The following RACGAP1 variants were observed in gnomAD, a reference collection of about 807,000 sequenced individuals.
RACGAP1 encodes Rac GTPase activating protein 1.
RACGAP1 carries 30 observed loss-of-function variants against 78.1 expected under a neutral mutation model. The ratio of observed to expected loss-of-function variants is 0.38; its 90% CI spans 0.29 to 0.52. The LOEUF (loss-of-function observed/expected upper bound fraction) is 0.52, where lower values mean the gene tolerates loss of function less well. Among genes scored for constraint, RACGAP1 ranks in the 20% least tolerant of loss-of-function variants. The pLI is 0.82. For synonymous variants in RACGAP1, 231 were observed against 264.8 expected, an observed-to-expected ratio of 0.87 and a Z score of 1.24; for missense variants, 587 against 777.1, an observed-to-expected ratio of 0.76 and a Z score of 2.91.
Position 49,992,053 on chromosome 12 carries a change from T to C in RACGAP1, c.1659A>G (p.Leu553=), listed in dbSNP as rs748576783. ...AGGCATTTGAGTTTTCAATGACATG[T>C]AGGGGGTCAATGTTCTCTTGCTCCA... ...MMVEQENIDP[L]HVIENSNAFS... The change falls in exon 15 of 17, where the codon CTA becomes CTG. Residue 553 remains leucine (L), a synonymous_variant. Coordinates refer to ENST00000312377, the MANE Select transcript of RACGAP1 (RefSeq NM_001319999.2). 1.2e-6 allele frequency: 2 copies of C among 1,613,968 alleles called. No individual in the cohort carries two copies. The highest frequency in any genetic ancestry group is 1.7e-6 in the Non-Finnish European group (2 of 1,180,012).
intron 15 of RACGAP1, among the ~76,000 whole-genome samples, chr12:49,991,479 ATTT>A (rs1197357619): frequency 0.011 from 257 of 23,950 alleles, 5 homozygotes; most frequent in African/African-American, 0.023. Flanking sequence ...ATATATATAT[ATTT>A]TTTTTTTTTT....
At chr12:50,000,643 A>G (rs1456864362) in intron 7 of RACGAP1, among the ~76,000 whole-genome samples, 1 of 152,190 alleles carries the variant, frequency 6.6e-6, no homozygotes, top group Non-Finnish European at 1.5e-5. Context: ...ACCTAAGAAG[A>G]TAAACATAGG....
chr12:50,026,212 T>C (rs1333348680), upstream of RACGAP1, among the ~76,000 whole-genome samples: 1 of 152,202 alleles, frequency 6.6e-6, no homozygotes, highest in Non-Finnish European at 1.5e-5. Context: ...TGCTCATCCT[T>C]ACTACATGCA....
intron 1 of RACGAP1, among the ~76,000 whole-genome samples, chr12:50,019,194 C>G (rs1480038579): frequency 6.6e-6 from 1 of 152,154 alleles, no homozygotes; most frequent in Non-Finnish European, 1.5e-5. Flanking sequence ...CCCCTTATCA[C>G]TTGCAGGTTG....
intron 4 of RACGAP1, 109 bp downstream of exon 4, chr12:50,005,146 CT>C: frequency 6.6e-7 from 1 of 1,510,024 alleles, no homozygotes. Context: ...TCTTTTTCTG[CT>C]TTTTTCAGCA....
chr12:49,992,647 C>T lies in RACGAP1; in HGVS notation c.1348G>A (p.Asp450Asn), dbSNP rs1947974480. ...RAFMEAAEITDEDNSIAAMYQ... is the reference protein window; with the variant it reads ...RAFMEAAEITNEDNSIAAMYQ... ...ATGGCAGCTATGCTGTTGTCTTCAT[C>T]TGTGATTTCTGTAATTGAAAAGAAA... Residue 450 changes from aspartate to asparagine, a missense_variant, in exon 13 of 17, where the codon GAT (aspartate) becomes AAT (asparagine). Transcript: ENST00000312377. 1 of 1,609,228 alleles carries T rather than the reference C, an allele frequency of 6.2e-7. No individual in the cohort carries two copies. The highest frequency in any genetic ancestry group is 1.7e-5 in the Admixed American group (1 of 58,486).
At chr12:50,030,200 C>T (rs1179410847), upstream of RACGAP1, among the ~76,000 whole-genome samples, 1 of 152,030 alleles carries the variant, frequency 6.6e-6, no homozygotes, top group Admixed American at 6.6e-5. Context: ...TTAAAACAAA[C>T]AAACTAGCTG....
chr12:50,015,909 AAAG>A (rs1201647562), intron 2 of RACGAP1, among the ~76,000 whole-genome samples: 2 of 151,926 alleles, frequency 1.3e-5, no homozygotes, highest in East Asian at 1.9e-4. Context: ...AAAAAAGAAA[AAAG>A]AAGAAATTAT....
chr12:50,010,930 T>C (rs1172384547), intron 2 of RACGAP1, among the ~76,000 whole-genome samples: 1 of 17,820 alleles, frequency 5.6e-5, no homozygotes, highest in Non-Finnish European at 1.3e-4. Flanking sequence ...CGAAAAATTC[T>C]GTCTCAAAAA....
intron 9 of RACGAP1, among the ~76,000 whole-genome samples, chr12:49,998,669 C>G (rs1236999600): frequency 6.6e-6 from 1 of 152,070 alleles, no homozygotes; most frequent in Non-Finnish European, 1.5e-5. Flanking sequence ...GGAGCTGAGG[C>G]AGGGGGAGCA....
exon 2 of RACGAP1, chr12:50,031,726 T>C: frequency 2.0e-6 from 2 of 985,452 alleles, no homozygotes; most frequent in Non-Finnish European, 2.4e-6. Context: ...TAAACGCTGA[T>C]GCCTGGGTCC....
chr12:50,022,487 CA>C (rs1278963963), intron 1 of RACGAP1, among the ~76,000 whole-genome samples: 2 of 152,140 alleles, frequency 1.3e-5, no homozygotes, highest in African/African-American at 4.8e-5. Context: ...GAGGCTGAGG[CA>C]GGAGAATCGC....
At chr12:50,008,513 G>C (rs1231923472) in intron 2 of RACGAP1, among the ~76,000 whole-genome samples, 1 of 149,008 alleles carries the variant, frequency 6.7e-6, no homozygotes, top group Admixed American at 6.8e-5. Context: ...TTTCACTTTT[G>C]AGACAGTCTT....
intron 2 of RACGAP1, among the ~76,000 whole-genome samples, chr12:50,006,906 C>G (rs1949010036): frequency 6.6e-6 from 1 of 152,168 alleles, no homozygotes; most frequent in Admixed American, 6.5e-5. Flanking sequence ...TCATTAGTCA[C>G]CTGGCTCCAG....
rs1471719859 is a variant in RACGAP1 at position 49,999,665 on chromosome 12, C to T, written c.699G>A (p.Val233=). Residue 233 remains valine, a synonymous_variant, in exon 8 of 17, where the codon GTG becomes GTA. Transcript: ENST00000312377. ...AATATGGCACAGTCTCAATAGTGGA[C>T]ACAGCTTCGATGGGCCCGCCATCAT... is the stretch of plus-strand genomic sequence containing the variant. ...VPNDGGPIEA[V]STIETVPYWT... is the part of the protein sequence containing the mutation. 1.9e-5 allele frequency: 30 copies of T among 1,614,090 alleles called. No individual in the cohort carries two copies. The highest frequency in any genetic ancestry group is 2.3e-5 in the Non-Finnish European group (27 of 1,180,048).
At chr12:50,000,304 C>T (rs1189296070) in intron 7 of RACGAP1, among the ~76,000 whole-genome samples, 1 of 151,954 alleles carries the variant, frequency 6.6e-6, no homozygotes, top group Non-Finnish European at 1.5e-5. Flanking sequence ...TGAGCCACCG[C>T]GCCTGGCCGA....
At chr12:49,992,467 A>G in intron 13 of RACGAP1, 83 bp downstream of exon 13, 1 of 1,585,116 alleles carries the variant, frequency 6.3e-7, no homozygotes, top group Admixed American at 1.7e-5. Flanking sequence ...TTCATCCCTC[A>G]TACTCCCAAA....
intron 10 of RACGAP1, among the ~76,000 whole-genome samples, chr12:49,995,339 A>T (rs1205093271): frequency 6.7e-6 from 1 of 149,088 alleles, no homozygotes; most frequent in Non-Finnish European, 1.5e-5. Context: ...CAAGAACAAA[A>T]CTCCCTCTCA....
At chr12:50,023,265 CAA>C (rs1950101864) in intron 1 of RACGAP1, among the ~76,000 whole-genome samples, 1 of 152,196 alleles carries the variant, frequency 6.6e-6, no homozygotes, top group East Asian at 1.9e-4. Flanking sequence ...TTAATAGTGC[CAA>C]AAAGTTTTCT....
Sources: gnomAD v4.1 joint callset for allele counts (sites outside exome capture counted in the v4.1 genomes callset) on GRCh38, gnomAD v4.1.1 for gene constraint, MANE v1.5 for transcripts, NCBI Gene and HGNC (gene_info 2026-07-23, HGNC 2026-07-21) for gene names.